The following PARVA variants were observed in gnomAD, a reference collection of about 807,000 sequenced individuals.
PARVA encodes the protein parvin alpha.
In PARVA, 25 loss-of-function variants were observed where a neutral mutation model predicts 52.6. The ratio of observed to expected loss-of-function variants is 0.48; its 90% CI spans 0.35 to 0.66. PARVA has a LOEUF of 0.66. PARVA is among the 30% of genes least tolerant of loss of function. The pLI is 0.01. For synonymous variants in PARVA, 185 were observed against 179.1 expected (o/e 1.03, Z -0.26); for missense variants, 373 against 450.9 (o/e 0.83, Z 1.56).
intron 1 of PARVA, among the ~76,000 whole-genome samples, chr11:12,470,610 C>T (rs188976640): frequency 1.3e-5 from 2 of 152,302 alleles, no homozygotes; most frequent in Non-Finnish European, 2.9e-5. Flanking sequence ...CCTTACAAAA[C>T]TTACATTCTG....
At chr11:12,385,413 G>A (rs544040100) in intron 1 of PARVA, among the ~76,000 whole-genome samples, 1 of 152,304 alleles carries the variant, frequency 6.6e-6, no homozygotes, top group East Asian at 1.9e-4. Context: ...GCAAGGGAAG[G>A]AGTGAGGGTC....
chr11:12,398,025 G>A (rs893362269), intron 1 of PARVA, among the ~76,000 whole-genome samples: 1 of 152,242 alleles, frequency 6.6e-6, no homozygotes, highest in South Asian at 2.1e-4. Flanking sequence ...GCCCAGAACA[G>A]CTGGGCCCTG....
At chr11:12,508,332 A>C (rs530915024) in intron 6 of PARVA, among the ~76,000 whole-genome samples, 29 of 152,316 alleles carry the variant, frequency 1.9e-4, no homozygotes, top group Non-Finnish European at 2.6e-4. Flanking sequence ...CCAATAAAGA[A>C]AGGAAAGATT....
At chr11:12,379,092 G>T (rs1939447492) in intron 1 of PARVA, among the ~76,000 whole-genome samples, 1 of 152,200 alleles carries the variant, frequency 6.6e-6, no homozygotes, top group South Asian at 2.1e-4. Context: ...ACTTCCGGAC[G>T]TTGCCGTGGC....
At chr11:12,497,885 G>T (rs188170038) in intron 5 of PARVA, among the ~76,000 whole-genome samples, 9 of 152,144 alleles carry the variant, frequency 5.9e-5, no homozygotes, top group African/African-American at 1.7e-4. Context: ...AATGAAGACT[G>T]CTGTTTAGTT....
intron 1 of PARVA, among the ~76,000 whole-genome samples, chr11:12,428,060 C>T (rs1480114518): frequency 6.6e-6 from 1 of 152,218 alleles, no homozygotes; most frequent in Non-Finnish European, 1.5e-5. Context: ...TGGGACAGGG[C>T]TCACTACCAG....
chr11:12,399,903 A>G (rs911997950), intron 1 of PARVA, among the ~76,000 whole-genome samples: 2 of 152,152 alleles, frequency 1.3e-5, no homozygotes, highest in African/African-American at 2.4e-5. Flanking sequence ...TAAGTTTTAT[A>G]TAAATATTTT....
At chr11:12,523,392 G>T (rs885459) in intron 12 of PARVA, among the ~76,000 whole-genome samples, 38,455 of 152,060 alleles carry the variant, frequency 0.25, 5,291 homozygotes, top group Middle Eastern at 0.36. Context: ...TGGTCAAGGG[G>T]TTCAGAGACC....
chr11:12,515,493 CA>C (rs1564868612), intron 10 of PARVA, among the ~76,000 whole-genome samples: 1 of 152,178 alleles, frequency 6.6e-6, no homozygotes, highest in Non-Finnish European at 1.5e-5. Flanking sequence ...AGTGCTATGA[CA>C]GGGGTCACTG....
At chr11:12,470,221 G>A (rs570070743) in intron 1 of PARVA, among the ~76,000 whole-genome samples, 13 of 152,364 alleles carry the variant, frequency 8.5e-5, no homozygotes, top group Admixed American at 7.8e-4. Context: ...TGCAGTTGAA[G>A]GGTGGTCTTG....
At chr11:12,477,310 G>A (rs987625182) in intron 3 of PARVA, 1 of 153,268 alleles carries the variant, frequency 6.5e-6, no homozygotes, top group African/African-American at 2.4e-5. Context: ...GGCCAGGCTG[G>A]TCTCAAACTC....
At chr11:12,399,006 C>G (rs1461481436) in intron 1 of PARVA, among the ~76,000 whole-genome samples, 1 of 152,102 alleles carries the variant, frequency 6.6e-6, no homozygotes, top group African/African-American at 2.4e-5. Flanking sequence ...GTTTTTATCC[C>G]CATTTTATGC....
chr11:12,523,580 G>T (rs185812604), intron 12 of PARVA, among the ~76,000 whole-genome samples: 1 of 152,174 alleles, frequency 6.6e-6, no homozygotes, highest in East Asian at 1.9e-4. Flanking sequence ...ACTCATTTTC[G>T]ATGGTCCTCT....
intron 1 of PARVA, among the ~76,000 whole-genome samples, chr11:12,401,514 A>G (rs896569894): frequency 5.9e-5 from 9 of 152,188 alleles, no homozygotes; most frequent in Non-Finnish European, 8.8e-5. Flanking sequence ...CACACAGACA[A>G]TGGAGCATGC....
intron 1 of PARVA, among the ~76,000 whole-genome samples, chr11:12,401,451 C>T (rs1939827132): frequency 6.6e-6 from 1 of 152,156 alleles, no homozygotes; most frequent in African/African-American, 2.4e-5. Flanking sequence ...CCAATGGGAT[C>T]CTGTTTTTCA....
chr11:12,452,499 G>C (rs1413169988), intron 1 of PARVA, among the ~76,000 whole-genome samples: 2 of 152,210 alleles, frequency 1.3e-5, no homozygotes, highest in East Asian at 3.9e-4. Flanking sequence ...TCTGTGTCCA[G>C]TGTGGCCTTG....
At chr11:12,522,125 A>G (rs1941644634) in intron 12 of PARVA, among the ~76,000 whole-genome samples, 1 of 152,224 alleles carries the variant, frequency 6.6e-6, no homozygotes, top group South Asian at 2.1e-4. Flanking sequence ...ACGTATGTCC[A>G]TACACCAGGA....
At chr11:12,422,469 T>C (rs148121748) in intron 1 of PARVA, among the ~76,000 whole-genome samples, 173 of 152,338 alleles carry the variant, frequency 1.1e-3, no homozygotes, top group African/African-American at 3.7e-3. Context: ...AGTAGTTGAG[T>C]GGGCTTGTCG....
Position 12,473,758 on chromosome 11 carries a change from G to A in PARVA, c.150G>A (p.Gln50=), listed in dbSNP as rs765226403. The A allele has an allele frequency of 1.9e-5, 29 of 1,564,886 alleles. No homozygotes were observed. In the Middle Eastern group the frequency reaches 5.0e-4, roughly 27 times the overall value. The change falls in exon 2 of 13, where the codon CAG becomes CAA. Residue 50 remains glutamine, a synonymous_variant. Coordinates refer to ENST00000334956, the MANE Select transcript of PARVA (RefSeq NM_018222.5). ...RKKAKEVSEL[Q]EEGMNAINLP... ...CTTTTCTTCCAGTGTCCGAGCTGCA[G>A]GAGGAGGGAATGAACGCCATCAACC...
Sources: allele counts gnomAD v4.1 joint callset (sites outside exome capture counted in the v4.1 genomes callset), GRCh38; gene constraint gnomAD v4.1.1; transcripts MANE v1.5; gene names NCBI Gene and HGNC (gene_info 2026-07-23, HGNC 2026-07-21).